Variants in THSD7B observed in about 807,000 individuals in gnomAD.
THSD7B encodes thrombospondin type-1 domain-containing protein 7B.
THSD7B carries 138 observed loss-of-function variants against 213.6 expected under a neutral mutation model. The ratio of observed to expected loss-of-function variants is 0.65; its 90% CI spans 0.56 to 0.74. The LOEUF is 0.74. THSD7B is among the 30% of genes least tolerant of loss of function. The pLI, the probability that THSD7B is intolerant of heterozygous loss-of-function variation, is 0.00. For synonymous variants in THSD7B, 742 were observed against 687.0 expected (o/e 1.08, Z -1.25); for missense variants, 1,931 against 1,991.5 (o/e 0.97, Z 0.58).
At chr2:137,362,696 TA>T (rs1003631096) in intron 12 of THSD7B, among the ~76,000 whole-genome samples, 1 of 152,164 alleles carries the variant, frequency 6.6e-6, no homozygotes, top group Non-Finnish European at 1.5e-5. Context: ...CTATCCTAAA[TA>T]TATATGCACC....
chr2:136,824,127 A>G (rs1217906934), intron 1 of THSD7B, among the ~76,000 whole-genome samples: 4 of 152,184 alleles, frequency 2.6e-5, no homozygotes, highest in African/African-American at 9.6e-5. Context: ...CAAAGGTACA[A>G]AGGCAGTACA....
intron 2 of THSD7B, among the ~76,000 whole-genome samples, chr2:136,885,024 G>A (rs1264785355): frequency 2.0e-5 from 3 of 152,078 alleles, no homozygotes; most frequent in Admixed American, 1.3e-4. Context: ...TGAGTTTAGT[G>A]TATTTCATTT....
intron 1 of THSD7B, among the ~76,000 whole-genome samples, chr2:136,828,672 C>T (rs549614817): frequency 6.6e-6 from 1 of 152,318 alleles, no homozygotes; most frequent in South Asian, 2.1e-4. Flanking sequence ...CTCAGGCCTG[C>T]TAAGCACATA....
chr2:136,877,065 G>A (rs1303958289), intron 1 of THSD7B, among the ~76,000 whole-genome samples: 1 of 151,346 alleles, frequency 6.6e-6, no homozygotes, highest in Non-Finnish European at 1.5e-5. Flanking sequence ...GTGCAGGTGG[G>A]TTCCAGTGCG....
At chr2:137,170,702 A>C (rs1366992598) in intron 6 of THSD7B, 39 bp from the exon 7 acceptor site, 1 of 1,589,918 alleles carries the variant, frequency 6.3e-7, no homozygotes, top group Non-Finnish European at 8.6e-7. Context: ...CCTGGAAAAG[A>C]GTGGAATTCT....
At chr2:137,221,441 C>T (rs2105044855) in intron 7 of THSD7B, among the ~76,000 whole-genome samples, 1 of 152,120 alleles carries the variant, frequency 6.6e-6, no homozygotes. Context: ...TTGCCAGAAC[C>T]CATAGAACTA....
At chr2:136,771,829 G>A (rs945413238) in intron 1 of THSD7B, among the ~76,000 whole-genome samples, 1 of 152,140 alleles carries the variant, frequency 6.6e-6, no homozygotes, top group Admixed American at 6.5e-5. Flanking sequence ...AGAGGGGAGT[G>A]TGATGGAGAG....
At chr2:137,107,201 G>T (rs894764648) in intron 4 of THSD7B, among the ~76,000 whole-genome samples, 1 of 152,182 alleles carries the variant, frequency 6.6e-6, no homozygotes, top group Admixed American at 6.5e-5. Context: ...GGAATACTAT[G>T]CAGCCATAAA....
chr2:137,204,533 A>C (rs965319259), intron 7 of THSD7B, among the ~76,000 whole-genome samples: 1 of 152,156 alleles, frequency 6.6e-6, no homozygotes, highest in East Asian at 1.9e-4. Context: ...GAGAAATTCT[A>C]GTTCACATTC....
At chr2:136,911,097 C>G (rs1684250681) in intron 2 of THSD7B, among the ~76,000 whole-genome samples, 1 of 152,040 alleles carries the variant, frequency 6.6e-6, no homozygotes, top group Non-Finnish European at 1.5e-5. Flanking sequence ...AGGGATGATG[C>G]TGAAATAACT....
chr2:136,933,042 T>C (rs1274082922), intron 2 of THSD7B, among the ~76,000 whole-genome samples: 1 of 152,188 alleles, frequency 6.6e-6, no homozygotes, highest in Non-Finnish European at 1.5e-5. Flanking sequence ...ACTGGAGGAA[T>C]GTCTTAATAT....
At chr2:137,254,874 AGTGTGTATGTGTGTGC>A (rs1379889166) in intron 10 of THSD7B, among the ~76,000 whole-genome samples, 3 of 151,832 alleles carry the variant, frequency 2.0e-5, no homozygotes, top group Admixed American at 6.6e-5. Flanking sequence ...TGTTTATGTG[AGTGTGTATGTGTGTGC>A]GTGTGTATGT....
chr2:136,820,054 G>C (rs78561529), intron 1 of THSD7B, among the ~76,000 whole-genome samples: 2 of 151,978 alleles, frequency 1.3e-5, no homozygotes, highest in African/African-American at 4.8e-5. Flanking sequence ...AGAAGCACAC[G>C]CATTCCTCTG....
At chr2:137,572,690 A>C (rs1681381324) in intron 17 of THSD7B, 134 bp downstream of exon 17, 2 of 1,185,796 alleles carry the variant, frequency 1.7e-6, no homozygotes, top group South Asian at 1.9e-5. Flanking sequence ...TTTTTGAGAA[A>C]TCCAAAGAAA....
At chr2:137,210,610 G>C (rs1681081879) in intron 7 of THSD7B, among the ~76,000 whole-genome samples, 1 of 151,886 alleles carries the variant, frequency 6.6e-6, no homozygotes, top group Non-Finnish European at 1.5e-5. Flanking sequence ...ACTTTGAGTG[G>C]GAGAATTTTG....
intron 2 of THSD7B, among the ~76,000 whole-genome samples, chr2:136,893,659 A>G (rs780760446): frequency 1.4e-4 from 22 of 152,154 alleles, no homozygotes; most frequent in African/African-American, 4.8e-4. Flanking sequence ...GTCAATTTTT[A>G]TTGGAATCAA....
At chr2:137,473,567 C>T (rs1044295565) in intron 15 of THSD7B, among the ~76,000 whole-genome samples, 2 of 152,080 alleles carry the variant, frequency 1.3e-5, no homozygotes, top group African/African-American at 4.8e-5. Context: ...AACTCTCAAA[C>T]CTTAGTATGT....
chr2:137,357,874 T>C (rs750325902), intron 12 of THSD7B, among the ~76,000 whole-genome samples: 43 of 152,182 alleles, frequency 2.8e-4, no homozygotes, highest in Non-Finnish European at 1.3e-4. Flanking sequence ...GACTCATTCA[T>C]ACATTTTAGA....
chr2:136,872,382 C>CGG (rs948614774), intron 1 of THSD7B, among the ~76,000 whole-genome samples: 1 of 21,544 alleles, frequency 4.6e-5, no homozygotes, highest in Non-Finnish European at 9.0e-5. Flanking sequence ...ATACTTTTTT[C>CGG]GGGGGGGTGG....
Sources: gnomAD v4.1 joint callset for allele counts (sites outside exome capture counted in the v4.1 genomes callset) on GRCh38, gnomAD v4.1.1 for gene constraint, MANE v1.5 for transcripts, NCBI Gene and HGNC (gene_info 2026-07-23, HGNC 2026-07-21) for gene names.